Variants in SSBP2 observed in about 807,000 individuals in gnomAD.
SSBP2 encodes the protein single stranded DNA binding protein 2.
In SSBP2, 17 loss-of-function variants were observed where a neutral mutation model predicts 61.8. That is an observed-to-expected ratio of 0.28 (90% CI 0.19 to 0.41). The LOEUF is 0.41. SSBP2 is among the 10% of genes least tolerant of loss of function. The pLI, the probability that SSBP2 is intolerant of heterozygous loss-of-function variation, is 1.00. For missense variants in SSBP2, 310 were observed against 458.7 expected, an observed-to-expected ratio of 0.68 and a Z score of 2.96; for synonymous variants, 139 against 141.3, an observed-to-expected ratio of 0.98 and a Z score of 0.12.
intron 6 of SSBP2, among the ~76,000 whole-genome samples, chr5:81,484,686 T>G (rs979396886): frequency 2.0e-5 from 3 of 152,148 alleles, no homozygotes; most frequent in African/African-American, 7.2e-5. Flanking sequence ...ACAGATACAT[T>G]TTATCATCTC....
chr5:81,595,996 G>C (rs926007143), intron 4 of SSBP2, among the ~76,000 whole-genome samples: 1 of 151,108 alleles, frequency 6.6e-6, no homozygotes, highest in African/African-American at 2.4e-5. Flanking sequence ...GTGTTGGATA[G>C]GCAGGAGAAG....
At chr5:81,507,355 A>G (rs1310561969) in intron 5 of SSBP2, among the ~76,000 whole-genome samples, 3 of 152,168 alleles carry the variant, frequency 2.0e-5, no homozygotes, top group African/African-American at 7.2e-5. Context: ...TATCCACGTC[A>G]AAGTCTTAAA....
chr5:81,699,124 T>C (rs1435971282), intron 1 of SSBP2, among the ~76,000 whole-genome samples: 5 of 152,238 alleles, frequency 3.3e-5, no homozygotes, highest in Non-Finnish European at 5.9e-5. Context: ...TTTAAAAATA[T>C]TTTATTGCTA....
intron 3 of SSBP2, among the ~76,000 whole-genome samples, chr5:81,633,912 C>G (rs898563116): frequency 1.3e-5 from 2 of 152,220 alleles, no homozygotes; most frequent in Non-Finnish European, 2.9e-5. Context: ...CTTCTAAGTG[C>G]TCCTCTATTT....
intron 4 of SSBP2, among the ~76,000 whole-genome samples, chr5:81,583,599 C>T (rs1011794183): frequency 6.8e-6 from 1 of 146,046 alleles, no homozygotes; most frequent in African/African-American, 2.6e-5. Context: ...CACTGCACTC[C>T]AGCCTGGGCG....
At chr5:81,527,782 T>A (rs1218784836) in intron 4 of SSBP2, among the ~76,000 whole-genome samples, 1 of 151,550 alleles carries the variant, frequency 6.6e-6, no homozygotes, top group African/African-American at 2.4e-5. Context: ...AAATACCTAA[T>A]GCATGCAGGG....
chr5:81,721,720 A>G (rs1755553243), intron 1 of SSBP2, among the ~76,000 whole-genome samples: 3 of 152,090 alleles, frequency 2.0e-5, no homozygotes. Flanking sequence ...CTCTAAAACA[A>G]CAGAACTCTC....
intron 1 of SSBP2, among the ~76,000 whole-genome samples, chr5:81,709,987 T>C (rs1163067840): frequency 6.6e-6 from 1 of 152,042 alleles, no homozygotes; most frequent in East Asian, 1.9e-4. Context: ...TATCTGAATT[T>C]TTATACTTAA....
chr5:81,655,225 G>A (rs1750111829), intron 1 of SSBP2, among the ~76,000 whole-genome samples: 1 of 151,920 alleles, frequency 6.6e-6, no homozygotes, highest in Non-Finnish European at 1.5e-5. Flanking sequence ...GATAAATATT[G>A]AATATACAAA....
intron 6 of SSBP2, among the ~76,000 whole-genome samples, chr5:81,483,560 A>T (rs1340792845): frequency 6.6e-6 from 1 of 152,164 alleles, no homozygotes; most frequent in African/African-American, 2.4e-5. Flanking sequence ...CAGGTAAGAA[A>T]ACCAAAACCC....
At chr5:81,575,837 C>A (rs1456449481) in intron 4 of SSBP2, among the ~76,000 whole-genome samples, 1 of 152,108 alleles carries the variant, frequency 6.6e-6, no homozygotes, top group African/African-American at 2.4e-5. Context: ...AAATACCAGA[C>A]AAAGGAGACT....
chr5:81,655,568 C>T (rs1488338044), intron 1 of SSBP2, among the ~76,000 whole-genome samples: 1 of 152,238 alleles, frequency 6.6e-6, no homozygotes, highest in East Asian at 1.9e-4. Context: ...GGAGCCAAAG[C>T]CCGAAATGCA....
At chr5:81,633,863 T>A (rs933242127) in intron 3 of SSBP2, among the ~76,000 whole-genome samples, 1 of 152,244 alleles carries the variant, frequency 6.6e-6, no homozygotes, top group African/African-American at 2.4e-5. Flanking sequence ...GATTATACAC[T>A]AGTTCAAGTA....
chr5:81,577,530 A>G (rs1240912444), intron 4 of SSBP2, among the ~76,000 whole-genome samples: 1 of 152,080 alleles, frequency 6.6e-6, no homozygotes, highest in African/African-American at 2.4e-5. Flanking sequence ...CTGGATGATT[A>G]CAAGGAAATG....
At chr5:81,502,926 G>A (rs1046078936) in intron 5 of SSBP2, among the ~76,000 whole-genome samples, 16 of 152,070 alleles carry the variant, frequency 1.1e-4, no homozygotes, top group African/African-American at 3.9e-4. Context: ...TCTGACAAAG[G>A]TCTAATATCC....
chr5:81,730,284 G>A (rs916401700), intron 1 of SSBP2, among the ~76,000 whole-genome samples: 13 of 152,134 alleles, frequency 8.5e-5, no homozygotes, highest in African/African-American at 3.1e-4. Flanking sequence ...GAGTGCAGTG[G>A]CACGATCTCG....
intron 1 of SSBP2, among the ~76,000 whole-genome samples, chr5:81,703,167 A>C (rs752611974): frequency 2.0e-5 from 3 of 152,248 alleles, no homozygotes; most frequent in Non-Finnish European, 2.9e-5. Context: ...AAAAACCTTT[A>C]GTGTTTACAT....
intron 4 of SSBP2, among the ~76,000 whole-genome samples, chr5:81,585,315 G>A (rs1037449168): frequency 1.3e-5 from 2 of 151,570 alleles, no homozygotes; most frequent in East Asian, 1.9e-4. Context: ...TCCTGAAAGC[G>A]TTCCCAAGTG....
chr5:81,568,234 G>A (rs1773582691), intron 4 of SSBP2, among the ~76,000 whole-genome samples: 1 of 152,140 alleles, frequency 6.6e-6, no homozygotes, highest in Non-Finnish European at 1.5e-5. Flanking sequence ...GGACCTGGTG[G>A]GAGATAATTG....
Sources: allele counts gnomAD v4.1 joint callset (sites outside exome capture counted in the v4.1 genomes callset), GRCh38; gene constraint gnomAD v4.1.1; transcripts MANE v1.5; gene names NCBI Gene and HGNC (gene_info 2026-07-23, HGNC 2026-07-21).